Variants in FARS2 observed in about 807,000 individuals in gnomAD.
FARS2 encodes phenylalanyl-tRNA synthetase 2, mitochondrial, also known as phenylalanine--tRNA ligase, mitochondrial.
In FARS2, 40 loss-of-function variants were observed where a neutral mutation model predicts 46.4. The ratio of observed to expected loss-of-function variants is 0.86; its 90% CI spans 0.67 to 1.12. FARS2 has a LOEUF of 1.12. Ranked by LOEUF, FARS2 falls within the 50% of genes most tolerant of loss-of-function variation. The pLI is 0.00. For missense variants in FARS2, 513 were observed against 567.9 expected (o/e 0.90, Z 0.98); for synonymous variants, 234 against 214.9 (o/e 1.09, Z -0.78).
chr6:5,472,723 G>T (rs1765874025), intron 4 of FARS2, among the ~76,000 whole-genome samples: 1 of 152,116 alleles, frequency 6.6e-6, no homozygotes, highest in Non-Finnish European at 1.5e-5. Flanking sequence ...TAAGAGCTTA[G>T]CAGGCACCAG....
intron 1 of FARS2, among the ~76,000 whole-genome samples, chr6:5,283,303 G>C (rs1766868880): frequency 6.6e-6 from 1 of 151,210 alleles, no homozygotes; most frequent in Admixed American, 6.6e-5. Flanking sequence ...AACCTGGGAG[G>C]TGGATGTTGC....
At chr6:5,265,793 T>C (rs1377384576) in intron 1 of FARS2, among the ~76,000 whole-genome samples, 2 of 152,216 alleles carry the variant, frequency 1.3e-5, no homozygotes, top group African/African-American at 2.4e-5. Flanking sequence ...GCAATAACTT[T>C]TCTACCATCC....
chr6:5,478,554 A>C (rs1766260174), intron 4 of FARS2, among the ~76,000 whole-genome samples: 1 of 152,162 alleles, frequency 6.6e-6, no homozygotes, highest in East Asian at 1.9e-4. Context: ...CCATCTGTTC[A>C]TCCCAGTCTA....
At chr6:5,486,690 T>C (rs1561655603) in intron 4 of FARS2, among the ~76,000 whole-genome samples, 1 of 152,060 alleles carries the variant, frequency 6.6e-6, no homozygotes, top group Non-Finnish European at 1.5e-5. Context: ...TGCCAGGAGG[T>C]CAGCATGTTG....
chr6:5,744,836 A>G (rs1761548176), intron 6 of FARS2, among the ~76,000 whole-genome samples: 1 of 152,242 alleles, frequency 6.6e-6, no homozygotes, highest in Admixed American at 6.5e-5. Context: ...TATAACACAC[A>G]TGCATAAAAA....
intron 1 of FARS2, among the ~76,000 whole-genome samples, chr6:5,344,688 A>G (rs1757113893): frequency 6.6e-6 from 1 of 152,210 alleles, no homozygotes; most frequent in African/African-American, 2.4e-5. Flanking sequence ...AATTCAGTGG[A>G]AAAAAGTATG....
At chr6:5,424,466 G>A in intron 3 of FARS2, among the ~76,000 whole-genome samples, 1 of 152,176 alleles carries the variant, frequency 6.6e-6, no homozygotes, top group East Asian at 1.9e-4. Flanking sequence ...AAAGGACTGA[G>A]GGCGTGCTCT....
intron 3 of FARS2, among the ~76,000 whole-genome samples, chr6:5,427,417 A>G (rs2127761582): frequency 6.6e-6 from 1 of 152,372 alleles, no homozygotes; most frequent in Admixed American, 6.5e-5. Context: ...AAAGAGGCAA[A>G]TCTTAAAAAC....
intron 1 of FARS2, among the ~76,000 whole-genome samples, chr6:5,335,993 C>T (rs1465697036): frequency 1.3e-5 from 2 of 152,164 alleles, no homozygotes; most frequent in African/African-American, 4.8e-5. Flanking sequence ...TGTGCTGAAT[C>T]TGAGGTGCCT....
At chr6:5,455,602 A>G (rs1018042338) in intron 4 of FARS2, among the ~76,000 whole-genome samples, 5 of 152,188 alleles carry the variant, frequency 3.3e-5, no homozygotes, top group Non-Finnish European at 7.3e-5. Flanking sequence ...GAGGTTCTAA[A>G]CATCTTTAGA....
intron 1 of FARS2, among the ~76,000 whole-genome samples, chr6:5,359,247 C>T (rs1758148634): frequency 6.6e-6 from 1 of 151,800 alleles, no homozygotes; most frequent in Admixed American, 6.6e-5. Context: ...GCCATGTTGG[C>T]CAGGCCATTC....
intron 6 of FARS2, among the ~76,000 whole-genome samples, chr6:5,681,030 G>A (rs543046105): frequency 3.3e-5 from 5 of 152,292 alleles, no homozygotes; most frequent in African/African-American, 9.6e-5. Flanking sequence ...ATAGAAGGCC[G>A]TGTTGAGTGT....
At position 5,607,043 on chromosome 6, in the gene FARS2, C is replaced by T. The variant is rs76894383; in HGVS notation, c.1066-6126C>T. Among the ~76,000 whole-genome samples the T allele has an allele frequency of 4.0e-3, 611 of 152,132 alleles. 7 individuals carry two copies. Among genetic ancestry groups the T allele is most frequent in the Middle Eastern group, 0.014 (4 of 294 alleles). On this transcript the variant is annotated intron_variant, in intron 5 of 6. Coordinates refer to ENST00000274680, the MANE Select transcript of FARS2 (RefSeq NM_006567.5). ...TTATGAAAACTCCATAGAGCACTGT[C>T]CCCCAACAAAGAGGTGGAAAACAAG...
chr6:5,341,214 TATATATATATA>T (rs1771572364), intron 1 of FARS2, among the ~76,000 whole-genome samples: 8 of 9,222 alleles, frequency 8.7e-4, no homozygotes, highest in African/African-American at 2.9e-3. Context: ...TATATATATA[TATATATATATA>T]TATATATATA....
chr6:5,399,483 G>T (rs899958790), intron 2 of FARS2, among the ~76,000 whole-genome samples: 1 of 152,056 alleles, frequency 6.6e-6, no homozygotes, highest in South Asian at 2.1e-4. Flanking sequence ...AATGTTTTGC[G>T]TAGATAAAGT....
chr6:5,272,671 ATTG>A lies in FARS2; in HGVS notation c.-22+11014_-22+11016del, dbSNP rs200501847. 3.4e-3 allele frequency among the ~76,000 whole-genome samples: 517 copies of A among 152,250 alleles called. 5 individuals carry two copies. Among genetic ancestry groups the A allele is most frequent in the African/African-American group, 0.012 (500 of 41,542 alleles). On this transcript the variant is annotated intron_variant, in intron 1 of 6. Transcript: ENST00000274680. ...TTGTCTTTATGCTAGAAACATTCAA[ATTG>A]TTTTCTTCTAGCTATTTTGAAATAT...
chr6:5,293,477 T>C (rs1767640699), intron 1 of FARS2, among the ~76,000 whole-genome samples: 3 of 152,180 alleles, frequency 2.0e-5, no homozygotes, highest in Non-Finnish European at 4.4e-5. Context: ...TCTGTATATC[T>C]ACATTATAAA....
At chr6:5,297,176 A>G (rs551535454) in intron 1 of FARS2, among the ~76,000 whole-genome samples, 1 of 152,282 alleles carries the variant, frequency 6.6e-6, no homozygotes, top group African/African-American at 2.4e-5. Flanking sequence ...CCTGAATCTG[A>G]ATTTGACTCC....
chr6:5,342,754 G>GA (rs1192128961), intron 1 of FARS2, among the ~76,000 whole-genome samples: 204 of 104,046 alleles, frequency 2.0e-3, no homozygotes, highest in South Asian at 2.6e-3. Context: ...CTCTGTCTAA[G>GA]AAAAAAAAAA....
Sources: gnomAD v4.1 joint callset for allele counts (sites outside exome capture counted in the v4.1 genomes callset) on GRCh38, gnomAD v4.1.1 for gene constraint, MANE v1.5 for transcripts, NCBI Gene and HGNC (gene_info 2026-07-23, HGNC 2026-07-21) for gene names.